Variants in AGBL3 observed in about 807,000 individuals in gnomAD.
AGBL3 encodes the protein AGBL carboxypeptidase 3.
AGBL3 carries 68 observed loss-of-function variants against 94.5 expected under a neutral mutation model. The ratio of observed to expected loss-of-function variants is 0.72; its 90% confidence interval spans 0.59 to 0.88. The LOEUF is 0.88. Ranked by LOEUF, AGBL3 falls within the 40% of genes least tolerant of loss-of-function variation. AGBL3 has a pLI of 0.00. For synonymous variants in AGBL3, 354 were observed against 370.7 expected, an observed-to-expected ratio of 0.95 and a Z score of 0.52; for missense variants, 934 against 1,103.8, an observed-to-expected ratio of 0.85 and a Z score of 2.18.
At chr7:135,088,241 T>C (rs1288710060) in intron 15 of AGBL3, among the ~76,000 whole-genome samples, 1 of 152,108 alleles carries the variant, frequency 6.6e-6, no homozygotes, top group Non-Finnish European at 1.5e-5. Context: ...CAGCATATAG[T>C]TGGTTTTTAA....
intron 5 of AGBL3, among the ~76,000 whole-genome samples, chr7:135,017,478 C>T (rs1322970295): frequency 2.6e-5 from 4 of 152,166 alleles, no homozygotes; most frequent in Non-Finnish European, 4.4e-5. Flanking sequence ...TTATTGTTCC[C>T]TCTCCATGTA....
intron 15 of AGBL3, among the ~76,000 whole-genome samples, chr7:135,086,997 G>C (rs911944676): frequency 6.6e-6 from 1 of 151,926 alleles, no homozygotes; most frequent in Non-Finnish European, 1.5e-5. Flanking sequence ...TTCAATGGAA[G>C]ACTTTTTATT....
chr7:135,128,720 A>G, intron 16 of AGBL3: 1 of 1,380,156 alleles, frequency 7.2e-7, no homozygotes. Flanking sequence ...ATTCTCAGAA[A>G]AAAAGTGCAG....
chr7:135,045,415 C>A (rs960799652), intron 9 of AGBL3, 59 bp from the exon 10 acceptor site: 1 of 1,348,988 alleles, frequency 7.4e-7, no homozygotes, highest in Non-Finnish European at 1.0e-6. Context: ...TTGCAATGTA[C>A]CTGCTAAGAA....
intron 16 of AGBL3, chr7:135,128,586 T>C (rs1322669599): frequency 7.8e-6 from 6 of 771,912 alleles, no homozygotes; most frequent in African/African-American, 1.7e-5. Context: ...AAGATGTTTG[T>C]GAGCGCTATC....
chr7:135,096,799 G>A (rs368923953), intron 15 of AGBL3, among the ~76,000 whole-genome samples: 2 of 148,860 alleles, frequency 1.3e-5, no homozygotes, highest in South Asian at 2.2e-4. Context: ...AAGAAAAAGG[G>A]AAGAAGGAAG....
chr7:135,104,524 G>A (rs1248894771), intron 15 of AGBL3, among the ~76,000 whole-genome samples: 1 of 151,742 alleles, frequency 6.6e-6, no homozygotes, highest in African/African-American at 2.4e-5. Context: ...TATAATGGTT[G>A]AACTAATCTA....
rs1809469683 is a variant in AGBL3, at chr7:134,986,624, T to G, written c.-137T>G. 6.6e-6 allele frequency: 1 copy of G among 152,330 alleles called. No individual in the cohort carries two copies. The highest frequency in any genetic ancestry group is 1.9e-4 in the East Asian group (1 of 5,166). 9.4% of individuals were successfully genotyped at this position (152,330 alleles called of 1,614,324 possible). On this transcript the variant is annotated 5_prime_UTR_variant, in exon 1 of 17. Transcript: ENST00000436302. ...GAGATCGCGAGATCCCGAGATATTC[T>G]CCCCGCACGGAAGCGACGACTGGCC... is the stretch of plus-strand genomic sequence containing the variant.
At chr7:135,007,930 T>G (rs1382249607) in intron 4 of AGBL3, among the ~76,000 whole-genome samples, 1 of 151,974 alleles carries the variant, frequency 6.6e-6, no homozygotes, top group Non-Finnish European at 1.5e-5. Flanking sequence ...TATGAATACA[T>G]TTAGGTAAAG....
chr7:135,044,151 G>C lies in AGBL3; in HGVS notation c.1627G>C (p.Gly543Arg). 6.5e-7 allele frequency: 1 copy of C among 1,547,588 alleles called. No homozygotes were observed. Among genetic ancestry groups the C allele is most frequent in the Non-Finnish European group, 8.7e-7 (1 of 1,144,658 alleles). ...MEATFCGSTLGNKRGTHFSTK... is the reference protein window; with the variant it reads ...MEATFCGSTLRNKRGTHFSTK... ...GGCCACCTTCTGTGGATCTACTCTG[G>C]GTAAGACCAAGGGTTCTCATTCACA... is the stretch of plus-strand genomic sequence containing the variant. Residue 543 changes from glycine (G) to arginine (R), a missense_variant and splice_region_variant, in exon 9 of 17, where the codon GGT becomes CGT. Gly to Arg is a moderately radical substitution (Grantham distance 125). Around this residue, in one of 3 missense-constraint regions of AGBL3, gnomAD observed 441 missense variants for 518.2 expected, o/e 0.85. Transcript: ENST00000436302.
chr7:135,037,190 G>T (rs1584909809), intron 7 of AGBL3, among the ~76,000 whole-genome samples: 1 of 152,250 alleles, frequency 6.6e-6, no homozygotes, highest in East Asian at 1.9e-4. Flanking sequence ...AAAGCATTAG[G>T]ATTACAGGCA....
At position 135,130,883 on chromosome 7, in the gene AGBL3, T is replaced by C. The variant is rs146711677; in HGVS notation, c.2343-3958T>C. Among the ~76,000 whole-genome samples the C allele has an allele frequency of 2.6e-3, 399 of 152,300 alleles. 1 individual carries two copies. Among genetic ancestry groups the C allele is most frequent in the African/African-American group, 8.8e-3 (366 of 41,568 alleles). On this transcript the variant is annotated intron_variant, in intron 16 of 16. Transcript: ENST00000436302. ...GGGTTTTGTTGGCCTTTTGAAAAAT[T>C]GTCTTTCGTTATCGTTGGTGGGTGG...
At chr7:135,025,184 G>C (rs1814952550) in intron 5 of AGBL3, among the ~76,000 whole-genome samples, 1 of 151,506 alleles carries the variant, frequency 6.6e-6, no homozygotes, top group African/African-American at 2.4e-5. Context: ...AATCATCAAA[G>C]TCAACATGAA....
At chr7:135,131,485 A>C (rs962041970) in intron 16 of AGBL3, among the ~76,000 whole-genome samples, 1 of 152,126 alleles carries the variant, frequency 6.6e-6, no homozygotes, top group African/African-American at 2.4e-5. Context: ...AAAGGAAGTA[A>C]AAATATGTAT....
intron 16 of AGBL3, among the ~76,000 whole-genome samples, chr7:135,118,077 C>T (rs960449663): frequency 8.5e-5 from 13 of 152,178 alleles, no homozygotes; most frequent in Admixed American, 3.3e-4. Context: ...TAGTCCTTTC[C>T]TGAAGCCTGG....
intron 1 of AGBL3, 35 bp from the exon 2 acceptor site, chr7:134,987,840 G>T (rs1809668321): frequency 1.0e-5 from 9 of 896,556 alleles, no homozygotes; most frequent in Non-Finnish European, 1.6e-5. Context: ...AACACCTACA[G>T]CTTGAAAAGA....
chr7:135,069,967 T>C (rs535353074), intron 12 of AGBL3, among the ~76,000 whole-genome samples: 3 of 152,252 alleles, frequency 2.0e-5, no homozygotes, highest in South Asian at 4.2e-4. Context: ...ACAAAATTGA[T>C]AGACTGCTAG....
rs775270273 is a variant in AGBL3 at position 135,034,111 on chromosome 7, T to A, written c.558-38T>A. Reference sequence around the variant, plus strand: ...TTTTTACAAAATGTCATTTTTACATTCTTACGTGCTTTTTTCCCTTTCTTT... The same window carrying A: ...TTTTTACAAAATGTCATTTTTACATACTTACGTGCTTTTTTCCCTTTCTTT... On this transcript the variant is annotated intron_variant, in intron 6 of 16. Transcript: ENST00000436302. 65 of 1,343,068 alleles carry A rather than the reference T, an allele frequency of 4.8e-5. 1 individual carries two copies. The Admixed American group carries it at 2.0e-3, about 41-fold the overall frequency. The allele number at this position is 1,343,068 out of a possible 1,614,324, so 83.2% of individuals were successfully genotyped here.
chr7:135,029,050 T>C (rs1192646023), intron 5 of AGBL3, among the ~76,000 whole-genome samples: 1 of 152,170 alleles, frequency 6.6e-6, no homozygotes, highest in Admixed American at 6.5e-5. Context: ...TGTAAACAGA[T>C]GTGGTGTCGT....
Sources: gnomAD v4.1 joint callset for allele counts (sites outside exome capture counted in the v4.1 genomes callset) on GRCh38, gnomAD v4.1.1 for gene constraint, gnomAD v4.1.1 regional missense constraint, MANE v1.5 for transcripts, NCBI Gene and HGNC (gene_info 2026-07-23, HGNC 2026-07-21) for gene names.